Variants in TENM3 observed in about 807,000 individuals in gnomAD.
The protein encoded by TENM3 is teneurin transmembrane protein 3.
In TENM3, 63 loss-of-function variants were observed where a neutral mutation model predicts 255.1. The observed-to-expected ratio is 0.25, with a 90% CI of 0.20 to 0.30. The LOEUF is 0.30. Among genes scored for constraint, TENM3 ranks in the 10% least tolerant of loss-of-function variants. TENM3 has a pLI of 1.00. For synonymous variants in TENM3, 1,306 were observed against 1,322.3 expected (o/e 0.99, Z 0.27); for missense variants, 2,929 against 3,461.1 (o/e 0.85, Z 3.86).
chr4:182,118,381 C>A, the TENM3 span, among the ~76,000 whole-genome samples: 1 of 152,090 alleles, frequency 6.6e-6, no homozygotes, highest in South Asian at 2.1e-4. Context: ...GGGAAAGCTT[C>A]AAGTTTCTCA....
At chr4:182,714,744 A>G (rs1227172189) in intron 13 of TENM3, among the ~76,000 whole-genome samples, 1 of 152,234 alleles carries the variant, frequency 6.6e-6, no homozygotes, top group Non-Finnish European at 1.5e-5. Flanking sequence ...GATTCCACCC[A>G]GTTGAAGCCC....
At position 182,742,355 on chromosome 4, in the gene TENM3, C is replaced by G. The variant is rs534899712; in HGVS notation, c.3380-815C>G. On this transcript the variant is annotated intron_variant, in intron 18 of 27. Transcript: ENST00000511685. ...TGATAAAATTATTGGCACTTCCATGCCTTAAAGCAGAATTCACTGTAAATA... is the reference window on the plus strand; with the variant it reads ...TGATAAAATTATTGGCACTTCCATGGCTTAAAGCAGAATTCACTGTAAATA... Among the ~76,000 whole-genome samples the G allele has an allele frequency of 3.9e-5, 6 of 152,324 alleles. No individual in the cohort carries two copies. The South Asian group carries it at 1.0e-3, about 26-fold the overall frequency.
chr4:181,946,249 A>C, the TENM3 span, among the ~76,000 whole-genome samples: 3 of 152,188 alleles, frequency 2.0e-5, no homozygotes, highest in Non-Finnish European at 4.4e-5. Flanking sequence ...GCTACTGCTC[A>C]GTTTTTCTCC....
At position 182,730,333 on chromosome 4, in the gene TENM3, A is replaced by G. The variant is rs1175037963; in HGVS notation, c.2705+14A>G. 1.9e-6 allele frequency: 3 copies of G among 1,613,192 alleles called. No homozygotes were observed. The highest frequency in any genetic ancestry group is 3.3e-5 in the Admixed American group (2 of 60,018). On this transcript the variant is annotated intron_variant, in intron 15 of 27. Transcript: ENST00000511685. ...CCAGGACGGAATGTGAGTTAGTCCC[A>G]TCACACTATCTCTGAAGGATTTGAA...
At chr4:182,349,081 A>G (rs1765012841) in intron 3 of TENM3, among the ~76,000 whole-genome samples, 1 of 152,214 alleles carries the variant, frequency 6.6e-6, no homozygotes, top group African/African-American at 2.4e-5. Flanking sequence ...CTTGAAATTC[A>G]GAACATTTGG....
chr4:182,709,185 G>T (rs1458110717), intron 12 of TENM3, among the ~76,000 whole-genome samples: 1 of 151,922 alleles, frequency 6.6e-6, no homozygotes, highest in South Asian at 2.1e-4. Flanking sequence ...GTTTCACCAT[G>T]TTGGCCAGGA....
the TENM3 span, among the ~76,000 whole-genome samples, chr4:181,517,705 G>T: frequency 6.6e-6 from 1 of 152,116 alleles, no homozygotes; most frequent in Non-Finnish European, 1.5e-5. Context: ...CTGAACCACA[G>T]GGAAAAATCT....
At chr4:181,656,501 A>G in the TENM3 span, among the ~76,000 whole-genome samples, 1 of 152,190 alleles carries the variant, frequency 6.6e-6, no homozygotes, top group Non-Finnish European at 1.5e-5. Context: ...TGGTGTGATG[A>G]CTGACATTCA....
the TENM3 span, among the ~76,000 whole-genome samples, chr4:181,678,406 A>C: frequency 6.6e-6 from 1 of 152,006 alleles, no homozygotes; most frequent in Non-Finnish European, 1.5e-5. Flanking sequence ...AGGTAAGAGA[A>C]TTGAGGAGGT....
chr4:182,717,932 G>A (rs1441949359), intron 13 of TENM3, among the ~76,000 whole-genome samples: 4 of 152,178 alleles, frequency 2.6e-5, no homozygotes, highest in Non-Finnish European at 5.9e-5. Context: ...ACTCCTGAAG[G>A]AAGTGCGATC....
intron 13 of TENM3, among the ~76,000 whole-genome samples, chr4:182,726,985 T>C (rs925326377): frequency 6.6e-6 from 1 of 152,172 alleles, no homozygotes; most frequent in African/African-American, 2.4e-5. Context: ...TAAAACATAA[T>C]GGTCATCTAG....
chr4:182,762,578 C>T (rs1418265158), intron 22 of TENM3, among the ~76,000 whole-genome samples: 2 of 152,300 alleles, frequency 1.3e-5, no homozygotes, highest in East Asian at 3.9e-4. Flanking sequence ...ATTCCTCTGA[C>T]AATAAAATAA....
chr4:182,489,412 T>C (rs902736799), intron 3 of TENM3, among the ~76,000 whole-genome samples: 1 of 152,152 alleles, frequency 6.6e-6, no homozygotes, highest in Non-Finnish European at 1.5e-5. Context: ...TAGTATCTTT[T>C]TAGGAACAGT....
intron 3 of TENM3, among the ~76,000 whole-genome samples, chr4:182,530,156 T>C (rs552854201): frequency 1.3e-5 from 2 of 152,342 alleles, no homozygotes; most frequent in South Asian, 2.1e-4. Flanking sequence ...CAGAGACTTG[T>C]TTATAAATTT....
At chr4:182,591,266 C>T (rs1028112266) in intron 3 of TENM3, among the ~76,000 whole-genome samples, 3 of 151,966 alleles carry the variant, frequency 2.0e-5, no homozygotes, top group Non-Finnish European at 4.4e-5. Context: ...AGAGAGAGAA[C>T]GTGAAGATTT....
intron 6 of TENM3, among the ~76,000 whole-genome samples, chr4:182,657,515 C>A: frequency 6.6e-6 from 1 of 152,204 alleles, no homozygotes. Context: ...TTCAGAATGT[C>A]CTCATTCTAC....
chr4:181,773,761 A>T, the TENM3 span, among the ~76,000 whole-genome samples: 1 of 152,248 alleles, frequency 6.6e-6, no homozygotes, highest in South Asian at 2.1e-4. Context: ...TTGTGTTTAT[A>T]ACTGCCTACC....
the TENM3 span, among the ~76,000 whole-genome samples, chr4:181,674,958 C>T: frequency 6.6e-6 from 1 of 152,064 alleles, no homozygotes; most frequent in African/African-American, 2.4e-5. Flanking sequence ...TTAGCACTGT[C>T]CCATAAATCA....
At chr4:181,958,805 A>C in the TENM3 span, among the ~76,000 whole-genome samples, 1 of 152,218 alleles carries the variant, frequency 6.6e-6, no homozygotes, top group African/African-American at 2.4e-5. Context: ...TCATATTCTC[A>C]GAATCTAGCA....
Sources: gnomAD v4.1 joint callset for allele counts (sites outside exome capture counted in the v4.1 genomes callset) on GRCh38, gnomAD v4.1.1 for gene constraint, MANE v1.5 for transcripts, NCBI Gene and HGNC (gene_info 2026-07-23, HGNC 2026-07-21) for gene names.